The following GRID2 variants were observed in gnomAD, a reference collection of about 807,000 sequenced individuals.
The protein encoded by GRID2 is glutamate receptor ionotropic, delta-2.
Under a neutral mutation model 114.8 loss-of-function variants are expected in GRID2, and 33 were observed. That is an observed-to-expected ratio of 0.29 (90% CI 0.22 to 0.38). GRID2 has a LOEUF of 0.38. Among genes scored for constraint, GRID2 ranks in the 10% least tolerant of loss-of-function variants. The pLI is 1.00. For missense variants in GRID2, 1,184 were observed against 1,257.7 expected, an observed-to-expected ratio of 0.94 and a Z score of 0.89; for synonymous variants, 505 against 449.9, an observed-to-expected ratio of 1.12 and a Z score of -1.55.
chr4:93,734,339 C>T (rs954059542), intron 14 of GRID2, among the ~76,000 whole-genome samples: 1 of 151,966 alleles, frequency 6.6e-6, no homozygotes, highest in South Asian at 2.1e-4. Flanking sequence ...CTGATTTGCT[C>T]ATCCATTTTA....
intron 8 of GRID2, among the ~76,000 whole-genome samples, chr4:93,358,748 T>C (rs548425888): frequency 6.6e-6 from 1 of 152,200 alleles, no homozygotes; most frequent in South Asian, 2.1e-4. Flanking sequence ...GAATCATATC[T>C]GGAACAAATA....
At chr4:93,120,749 C>T (rs548843386) in intron 4 of GRID2, among the ~76,000 whole-genome samples, 8 of 152,070 alleles carry the variant, frequency 5.3e-5, no homozygotes, top group East Asian at 1.9e-4. Flanking sequence ...GTCAGTAGAT[C>T]GAGACCATCC....
intron 13 of GRID2, among the ~76,000 whole-genome samples, chr4:93,606,258 G>A (rs1054754535): frequency 2.0e-5 from 3 of 151,834 alleles, no homozygotes; most frequent in African/African-American, 4.8e-5. Flanking sequence ...CAAAGAGAGA[G>A]TCTGACTCAA....
At chr4:93,156,779 G>T (rs139870260) in intron 4 of GRID2, among the ~76,000 whole-genome samples, 10 of 151,826 alleles carry the variant, frequency 6.6e-5, no homozygotes, top group Admixed American at 5.3e-4. Flanking sequence ...ATAGGAGAGA[G>T]TTCCAGTGTG....
At chr4:92,496,240 A>G (rs1723382859) in intron 1 of GRID2, among the ~76,000 whole-genome samples, 1 of 151,906 alleles carries the variant, frequency 6.6e-6, no homozygotes, top group Admixed American at 6.6e-5. Context: ...CAATATATGT[A>G]CACACTCTCC....
At chr4:92,454,351 C>A (rs1359055275) in intron 1 of GRID2, among the ~76,000 whole-genome samples, 1 of 152,062 alleles carries the variant, frequency 6.6e-6, no homozygotes, top group Non-Finnish European at 1.5e-5. Flanking sequence ...ATAAATTTGG[C>A]TAGTATCTTA....
At chr4:93,502,479 A>G (rs1728206438) in intron 12 of GRID2, among the ~76,000 whole-genome samples, 1 of 152,036 alleles carries the variant, frequency 6.6e-6, no homozygotes. Context: ...TCTGAAAAAA[A>G]AAATCCTTTT....
chr4:93,110,409 T>C (rs1732653617), intron 3 of GRID2, among the ~76,000 whole-genome samples: 1 of 152,180 alleles, frequency 6.6e-6, no homozygotes. Flanking sequence ...AAATAGGGAA[T>C]GTCTTTCCCT....
At chr4:92,645,061 TAAAC>T (rs887588041) in intron 2 of GRID2, among the ~76,000 whole-genome samples, 12 of 151,630 alleles carry the variant, frequency 7.9e-5, no homozygotes, top group Non-Finnish European at 1.2e-4. Flanking sequence ...ATCTCAAACT[TAAAC>T]AAAAATATTC....
At chr4:92,338,675 G>T (rs777338892) in intron 1 of GRID2, among the ~76,000 whole-genome samples, 1 of 151,934 alleles carries the variant, frequency 6.6e-6, no homozygotes, top group African/African-American at 2.4e-5. Flanking sequence ...TAAAACTTAC[G>T]TCTATGTTCC....
chr4:93,403,831 G>A (rs920562349), intron 9 of GRID2, among the ~76,000 whole-genome samples: 1 of 151,964 alleles, frequency 6.6e-6, no homozygotes, highest in Non-Finnish European at 1.5e-5. Context: ...TTCCTCAAAT[G>A]GTTAAAAGTA....
chr4:93,330,750 T>C (rs1023566748), intron 8 of GRID2, among the ~76,000 whole-genome samples: 6 of 152,084 alleles, frequency 3.9e-5, no homozygotes, highest in South Asian at 2.1e-4. Flanking sequence ...GGCCATTTAC[T>C]CCATATAGAC....
At chr4:93,506,379 C>G (rs1169023464) in intron 12 of GRID2, among the ~76,000 whole-genome samples, 2 of 152,160 alleles carry the variant, frequency 1.3e-5, no homozygotes, top group Admixed American at 1.3e-4. Context: ...GGTAGATGTG[C>G]CCTTCTCATG....
intron 14 of GRID2, among the ~76,000 whole-genome samples, chr4:93,741,924 C>CA (rs34316739): frequency 0.53 from 56,441 of 106,144 alleles, 12,864 homozygotes; most frequent in East Asian, 0.75. Flanking sequence ...GACTCTGTCT[C>CA]AAAAAAAAAA....
intron 13 of GRID2, among the ~76,000 whole-genome samples, chr4:93,560,236 A>AAAAAAAAAAAAAAAAAAAAAAAAAC (rs1734781213): frequency 6.7e-6 from 1 of 149,542 alleles, no homozygotes; most frequent in Non-Finnish European, 1.5e-5. Context: ...AAAAAAAAAA[A>AAAAAAAAAAAAAAAAAAAAAAAAAC]AAAAAAAAAA....
intron 14 of GRID2, among the ~76,000 whole-genome samples, chr4:93,650,664 A>G (rs1346893426): frequency 4.6e-5 from 7 of 152,204 alleles, no homozygotes; most frequent in Admixed American, 3.9e-4. Flanking sequence ...TTACACTTAA[A>G]AAAAGTCCTT....
chr4:93,306,426 G>A (rs1031369959), intron 8 of GRID2: 1 of 152,218 alleles, frequency 6.6e-6, no homozygotes, highest in Non-Finnish European at 1.5e-5. Flanking sequence ...AGGCAGAGAT[G>A]TGACATGGGA....
At chr4:93,534,849 T>TTC (rs1731869600) in intron 13 of GRID2, among the ~76,000 whole-genome samples, 1 of 151,062 alleles carries the variant, frequency 6.6e-6, no homozygotes, top group Non-Finnish European at 1.5e-5. Flanking sequence ...ATGGTTACTT[T>TTC]TTTTTTTTTT....
At chr4:93,183,259 A>G (rs568750917) in intron 4 of GRID2, among the ~76,000 whole-genome samples, 2 of 152,332 alleles carry the variant, frequency 1.3e-5, no homozygotes, top group African/African-American at 4.8e-5. Context: ...CTAACTTCAC[A>G]AAATGTTTGA....
Sources: gnomAD v4.1 joint callset for allele counts (sites outside exome capture counted in the v4.1 genomes callset) on GRCh38, gnomAD v4.1.1 for gene constraint, MANE v1.5 for transcripts, NCBI Gene and HGNC (gene_info 2026-07-23, HGNC 2026-07-21) for gene names.